CARHSP1: variants seen among roughly 807,000 people sequenced by gnomAD.
CARHSP1 encodes calcium regulated heat stable protein 1, also known as calcium-regulated heat-stable protein 1.
A neutral mutation model predicts 12.5 loss-of-function variants in CARHSP1; 14 were observed. The ratio of observed to expected loss-of-function variants is 1.12; its 90% CI spans 0.74 to 1.75. CARHSP1 has a LOEUF of 1.75. Among genes scored for constraint, CARHSP1 ranks in the 40% most tolerant of loss-of-function variants. The pLI is 0.00. For missense variants in CARHSP1, 343 were observed against 201.6 expected (o/e 1.70, Z -4.25); for synonymous variants, 161 against 82.0 (o/e 1.96, Z -5.20).
At chr16:8,861,168 T>A (rs1383605074) in intron 1 of CARHSP1, among the ~76,000 whole-genome samples, 1 of 6,270 alleles carries the variant, frequency 1.6e-4, no homozygotes, top group African/African-American at 6.0e-4. Flanking sequence ...ATTTTTTTTT[T>A]TTTTTTTTTT....
chr16:8,858,241 C>T (rs2061214112), intron 3 of CARHSP1, 109 bp downstream of exon 3: 3 of 1,298,706 alleles, frequency 2.3e-6, no homozygotes, highest in Non-Finnish European at 3.2e-6. Flanking sequence ...CAGGCCCAGC[C>T]ATTCGTCCTC....
intron 1 of CARHSP1, chr16:8,867,349 G>C (rs767645489): frequency 4.6e-5 from 7 of 152,312 alleles, no homozygotes; most frequent in Non-Finnish European, 1.0e-4. Flanking sequence ...AAGGGGACAG[G>C]AGCGGTGCTG....
intron 1 of CARHSP1, chr16:8,861,597 T>C (rs987722622): frequency 7.8e-7 from 1 of 1,286,960 alleles, no homozygotes; most frequent in African/African-American, 1.5e-5. Context: ...CACTCTCCCG[T>C]TGGGCCTCAG....
intron 1 of CARHSP1, among the ~76,000 whole-genome samples, chr16:8,863,955 A>G (rs181844441): frequency 6.6e-6 from 1 of 152,094 alleles, no homozygotes; most frequent in African/African-American, 2.4e-5. Context: ...GAGTGTCCCC[A>G]GCAGAAGACA....
Position 8,859,173 on chromosome 16 carries a change from C to T in CARHSP1, c.156G>A (p.Ser52=), listed in dbSNP as rs2231706. ...PLPTRRTRTF[S]ATVRASQGPV... The stretch of plus-strand genomic sequence containing the variant: ...TCCCCAGCCTGCTCCAGACTCACGC[C>T]GAGAAGGTCCTCGTCCGGCGAGTGG... Residue 52 remains serine, a splice_region_variant and synonymous_variant, in exon 2 of 4, where the codon TCG becomes TCA. Transcript: ENST00000311052. The T allele has an allele frequency of 0.014, 22,089 of 1,596,606 alleles. 221 individuals carry two copies. Among genetic ancestry groups the T allele is most frequent in the Middle Eastern group, 0.016 (98 of 6,008 alleles).
In CARHSP1 at chr16:8,858,381, C is replaced by T; in HGVS notation, c.250G>A (p.Gly84Ser). 1 of 1,614,050 alleles carries T rather than the reference C, an allele frequency of 6.2e-7. No individual in the cohort carries two copies. The highest frequency in any genetic ancestry group is 8.5e-7 in the Non-Finnish European group (1 of 1,180,018). The change falls in exon 3 of 4, where the codon GGC (glycine) becomes AGC (serine). Residue 84 changes from glycine (G) to serine (S), a missense_variant. By Grantham distance (56) the Gly-to-Ser change is moderately conservative. Transcript: ENST00000311052. ...ATGTGCAGGAAGATGTCGGGGCCGCCATCAGCTGGAGTAATGAAGCCATGG... is the reference window on the plus strand; with the variant it reads ...ATGTGCAGGAAGATGTCGGGGCCGCTATCAGCTGGAGTAATGAAGCCATGG... ...KGHGFITPAD[G>S]GPDIFLHISD...
At chr16:8,859,373 C>G in intron 1 of CARHSP1, 38 bp from the exon 2 acceptor site, 1 of 1,570,410 alleles carries the variant, frequency 6.4e-7, no homozygotes, top group Non-Finnish European at 8.6e-7. Context: ...TCGTGCCTTG[C>G]AAGGTAGGGA....
At chr16:8,863,188 T>A (rs1358765786) in intron 1 of CARHSP1, among the ~76,000 whole-genome samples, 2 of 138,918 alleles carry the variant, frequency 1.4e-5, no homozygotes, top group African/African-American at 5.3e-5. Flanking sequence ...GGCGCGATCA[T>A]GGCTCACTGA....
intron 3 of CARHSP1, 137 bp downstream of exon 3, chr16:8,858,213 G>A: frequency 9.6e-7 from 1 of 1,039,320 alleles, no homozygotes; most frequent in Non-Finnish European, 1.4e-6. Flanking sequence ...TGGAGCACCA[G>A]CCACAGGCAG....
intron 3 of CARHSP1, among the ~76,000 whole-genome samples, chr16:8,855,930 C>A (rs1178747376): frequency 6.6e-6 from 1 of 152,204 alleles, no homozygotes; most frequent in Non-Finnish European, 1.5e-5. Flanking sequence ...AGTGATTCTC[C>A]TGCCTCAGCC....
At chr16:8,857,446 C>CTTTTTTTTT (rs35327475) in intron 3 of CARHSP1, 9 of 99,922 alleles carry the variant, frequency 9.0e-5, no homozygotes, top group Non-Finnish European at 1.3e-4. Context: ...TCATTCCCCG[C>CTTTTTTTTT]TTTTTTTTTT....
At position 8,853,074 on chromosome 16, in the gene CARHSP1, T is replaced by C. The variant is rs1237389742; in HGVS notation, c.*2090A>G. The C allele has an allele frequency of 3.3e-5, 5 of 151,974 alleles. No homozygotes were observed. Among genetic ancestry groups the C allele is most frequent in the East Asian group, 1.9e-4 (1 of 5,178 alleles). The allele number at this position is 151,974 out of a possible 1,614,324, so 9.4% of individuals were successfully genotyped here. A position where few individuals can be genotyped will look rare whatever the true frequency, so the allele number is the denominator to read the frequency against. ...CCGTCCCTCCCAGAGCCTCGAGGAG[T>C]TTCCCCTTGTGTAAACCGGTATCGC... On this transcript the variant is annotated 3_prime_UTR_variant, in exon 4 of 4. Transcript: ENST00000311052.
rs1267291752 is a variant in CARHSP1, at chr16:8,853,255, C to G, written c.*1909G>C. ...AGAGAGGCTTGGGGCAGTGAAAGCCCTCTCGGGTCTTGGCTGTGGAAGTGT... is the reference window on the plus strand; with the variant it reads ...AGAGAGGCTTGGGGCAGTGAAAGCCGTCTCGGGTCTTGGCTGTGGAAGTGT... On this transcript the variant is annotated 3_prime_UTR_variant, in exon 4 of 4. Coordinates refer to ENST00000311052, the MANE Select transcript of CARHSP1 (RefSeq NM_014316.4). 6.6e-6 allele frequency: 1 copy of G among 152,104 alleles called. No individual in the cohort carries two copies. The highest frequency in any genetic ancestry group is 2.4e-5 in the African/African-American group (1 of 41,382). The allele number at this position is 152,104 out of a possible 1,614,324, so 9.4% of individuals were successfully genotyped here. A position where few individuals can be genotyped will look rare whatever the true frequency, so the allele number is the denominator to read the frequency against.
Position 8,859,252 on chromosome 16 carries a change from C to G in CARHSP1, c.77G>C (p.Ser26Thr). 6.2e-7 allele frequency: 1 copy of G among 1,601,220 alleles called. No homozygotes were observed. The highest frequency in any genetic ancestry group is 1.1e-5 in the South Asian group (1 of 89,166). ...ASVGLLDTPR[S>T]RERSPSPLRG... Reference sequence around the variant, plus strand: ...CAGAGGGGATGGTGAGCGCTCACGGCTCCGAGGGGTGTCCAGCAGCCCGAC... The same window carrying G: ...CAGAGGGGATGGTGAGCGCTCACGGGTCCGAGGGGTGTCCAGCAGCCCGAC... Residue 26 changes from serine (S) to threonine (T), a missense_variant, in exon 2 of 4, where the codon AGC (serine) becomes ACC (threonine). Ser to Thr is a moderately conservative substitution (Grantham distance 58, BLOSUM62 1). Coordinates refer to ENST00000311052, the MANE Select transcript of CARHSP1 (RefSeq NM_014316.4).
At chr16:8,855,444 C>T (rs982859414) in intron 3 of CARHSP1, 118 bp from the exon 4 acceptor site, 3 of 848,630 alleles carry the variant, frequency 3.5e-6, no homozygotes, top group Non-Finnish European at 3.3e-6. Flanking sequence ...TGACCAACCA[C>T]CGGGAACCTC....
At position 8,855,000 on chromosome 16, in the gene CARHSP1, A is replaced by C. The variant is rs965798925; in HGVS notation, c.*164T>G. 47 of 458,486 alleles carry C rather than the reference A, an allele frequency of 1.0e-4. No homozygotes were observed. The highest frequency in any genetic ancestry group is 2.3e-4 in the East Asian group (6 of 26,588). 28.4% of individuals were successfully genotyped at this position (458,486 alleles called of 1,614,324 possible). ...GTGCTGATGGCCGGGAACACCCCAC[A>C]CCCCACACCTGCCCCCCATACCCCT... On this transcript the variant is annotated 3_prime_UTR_variant, in exon 4 of 4. Coordinates refer to ENST00000311052, the MANE Select transcript of CARHSP1 (RefSeq NM_014316.4).
At chr16:8,861,156 T>G (rs2061340618) in intron 1 of CARHSP1, among the ~76,000 whole-genome samples, 1 of 126,530 alleles carries the variant, frequency 7.9e-6, no homozygotes, top group Admixed American at 9.3e-5. Context: ...CCTCCATGCC[T>G]AATTTTTTTT....
At chr16:8,858,545 C>T in intron 2 of CARHSP1, 73 bp from the exon 3 acceptor site, 1 of 1,567,736 alleles carries the variant, frequency 6.4e-7, no homozygotes, top group South Asian at 1.2e-5. Context: ...CAGCCCCTGC[C>T]CACAGCTGTG....
chr16:8,857,276 T>TTTTTTTTTG (rs1567181190), intron 3 of CARHSP1, among the ~76,000 whole-genome samples: 9 of 102,038 alleles, frequency 8.8e-5, no homozygotes, highest in African/African-American at 2.9e-4. Flanking sequence ...TTTTTTTTTT[T>TTTTTTTTTG]TTTTTTTTTT....
Sources: gnomAD v4.1 joint callset for allele counts (sites outside exome capture counted in the v4.1 genomes callset) on GRCh38, gnomAD v4.1.1 for gene constraint, MANE v1.5 for transcripts, NCBI Gene and HGNC (gene_info 2026-07-23, HGNC 2026-07-21) for gene names.